ATXN10: variants seen among roughly 807,000 people sequenced by gnomAD.
The protein encoded by ATXN10 is ataxin-10.
In ATXN10, 28 loss-of-function variants were observed where a neutral mutation model predicts 52.9. The ratio of observed to expected loss-of-function variants is 0.53; its 90% CI spans 0.39 to 0.73. The LOEUF (loss-of-function observed/expected upper bound fraction) is 0.73, where lower values mean the gene tolerates loss of function less well. ATXN10 is among the 30% of genes least tolerant of loss of function. The pLI, the probability that ATXN10 is intolerant of heterozygous loss-of-function variation, is 0.00. For synonymous variants in ATXN10, 226 were observed against 221.5 expected (o/e 1.02, Z -0.18); for missense variants, 565 against 577.0 (o/e 0.98, Z 0.21).
intron 10 of ATXN10, among the ~76,000 whole-genome samples, chr22:45,827,661 G>A (rs541830579): frequency 5.3e-5 from 8 of 152,218 alleles, no homozygotes; most frequent in South Asian, 4.2e-4. Context: ...AAAACTGAAG[G>A]AAGAAATAGT....
chr22:45,786,203 G>C lies in ATXN10; in HGVS notation c.1174-20756G>C, dbSNP rs756402730. 3.9e-5 allele frequency among the ~76,000 whole-genome samples: 6 copies of C among 152,186 alleles called. No individual in the cohort carries two copies. The highest frequency in any genetic ancestry group is 7.3e-5 in the Non-Finnish European group (5 of 68,030). ...AGAGAATATTTGTATTAATCACATTGTGTTTTGTACTTCCGGGTACTTTAA... is the reference window on the plus strand; with the variant it reads ...AGAGAATATTTGTATTAATCACATTCTGTTTTGTACTTCCGGGTACTTTAA... On this transcript the variant is annotated intron_variant, in intron 9 of 11. Transcript: ENST00000252934. The surrounding 1 kb of genome is among the most constrained non-coding windows in gnomAD (Gnocchi z 4.1).
At position 45,816,905 on chromosome 22, in the gene ATXN10, C is replaced by T. The variant is rs796209745; in HGVS notation, c.1237+9883C>T. Among the ~76,000 whole-genome samples, 7 of 152,166 alleles carry T rather than the reference C, an allele frequency of 4.6e-5. No homozygotes were observed. In the South Asian group the frequency reaches 1.2e-3, roughly 27 times the overall value. On this transcript the variant is annotated intron_variant, in intron 10 of 11. Transcript: ENST00000252934. The surrounding 1 kb of genome is among the most constrained non-coding windows in gnomAD (Gnocchi z 5.8). The stretch of plus-strand genomic sequence containing the variant: ...TTCTGTACTCTTCTTGGTGGAGAAT[C>T]TAGCGTGGTATCAGGCCTGCCAAAC...
chr22:45,671,978 C>T lies in ATXN10; in HGVS notation c.-86C>T. The T allele has an allele frequency of 6.9e-7, 1 of 1,447,228 alleles. No individual in the cohort carries two copies. The highest frequency in any genetic ancestry group is 1.2e-5 in the South Asian group (1 of 81,054). 89.6% of individuals were successfully genotyped at this position (1,447,228 alleles called of 1,614,324 possible). A position where few individuals can be genotyped will look rare whatever the true frequency, so the allele number is the denominator to read the frequency against. ...GGCCTCCCCCTTCCTCCTCGCCATC[C>T]TACTCCTCCCTCCTCGTCATCCTCC... On this transcript the variant is annotated 5_prime_UTR_variant, in exon 1 of 12. Coordinates refer to ENST00000252934, the MANE Select transcript of ATXN10 (RefSeq NM_013236.4).
rs1345436216 is a variant in ATXN10 at position 45,705,129 on chromosome 22, A to G, written c.647+2282A>G. Among the ~76,000 whole-genome samples, 1 of 152,210 alleles carries G rather than the reference A, an allele frequency of 6.6e-6. No homozygotes were observed. Among genetic ancestry groups the G allele is most frequent in the Admixed American group, 6.5e-5 (1 of 15,290 alleles). On this transcript the variant is annotated intron_variant, in intron 5 of 11. Transcript: ENST00000252934. The surrounding 1 kb of genome is among the most constrained non-coding windows in gnomAD (Gnocchi z 5.2). The stretch of plus-strand genomic sequence containing the variant: ...GATAAATCCTACTTGTTCATAGTGT[A>G]TAATCCTTTTTATATGTTGCTGGAT...
At chr22:45,674,172 G>T (rs1456925709) in intron 1 of ATXN10, 2 of 152,244 alleles carry the variant, frequency 1.3e-5, no homozygotes, top group Admixed American at 6.5e-5. Context: ...AAAGAGAAAA[G>T]TGCCTAAATT....
At chr22:45,721,514 A>C (rs998394677) in intron 6 of ATXN10, among the ~76,000 whole-genome samples, 5 of 152,204 alleles carry the variant, frequency 3.3e-5, no homozygotes, top group African/African-American at 1.2e-4. Context: ...TTGGCATCAG[A>C]AAGAGTTCAA....
chr22:45,686,379 T>C (rs907414794), intron 1 of ATXN10, among the ~76,000 whole-genome samples: 1 of 152,224 alleles, frequency 6.6e-6, no homozygotes, highest in Non-Finnish European at 1.5e-5. Flanking sequence ...CTTAACAGTC[T>C]AGCCGGGGAG....
Position 45,769,111 on chromosome 22 carries a change from C to CTGTACTT in ATXN10, c.1173+28577_1173+28583dup, listed in dbSNP as rs1926686417. ...GAGTATGTATTATACCTCCCTCTCT[C>CTGTACTT]TGTACTTTGTGGTGTGTTTGGAAAT... is the stretch of plus-strand genomic sequence containing the variant. On this transcript the variant is annotated intron_variant, in intron 9 of 11. Transcript: ENST00000252934. The surrounding 1 kb of genome is among the most constrained non-coding windows in gnomAD (Gnocchi z 4.2). 6.6e-6 allele frequency among the ~76,000 whole-genome samples: 1 copy of CTGTACTT among 151,584 alleles called. No homozygotes were observed.
intron 7 of ATXN10, among the ~76,000 whole-genome samples, chr22:45,736,370 TA>T (rs1925296624): frequency 6.6e-6 from 1 of 152,180 alleles, no homozygotes; most frequent in Non-Finnish European, 1.5e-5. Flanking sequence ...AGAAAACATC[TA>T]AAATAACTAA....
intron 7 of ATXN10, among the ~76,000 whole-genome samples, chr22:45,734,986 G>A (rs566473364): frequency 6.6e-5 from 10 of 151,798 alleles, no homozygotes; most frequent in African/African-American, 1.9e-4. Flanking sequence ...CCAGGTTCAA[G>A]CGATTCTCCT....
intron 1 of ATXN10, chr22:45,679,391 T>TA (rs1352484872): frequency 6.6e-6 from 1 of 152,024 alleles, no homozygotes; most frequent in African/African-American, 2.4e-5. Flanking sequence ...TTTCAAGGGG[T>TA]AAAAAATGAC....
rs1046574713 is a variant in ATXN10, at chr22:45,780,070, A to AG, written c.1174-26887dup. On this transcript the variant is annotated intron_variant, in intron 9 of 11. Coordinates refer to ENST00000252934, the MANE Select transcript of ATXN10 (RefSeq NM_013236.4). This position sits in a 1 kb window ranked among gnomAD's most constrained non-coding sequence, Gnocchi z 4.0. ...AATAAAAACGCTTATACAAACAAAAAGGCAGACTGCATCATCTTTTTTTTT... is the reference window on the plus strand; with the variant it reads ...AATAAAAACGCTTATACAAACAAAAAGGGCAGACTGCATCATCTTTTTTTTT... Among the ~76,000 whole-genome samples the AG allele has an allele frequency of 6.8e-6, 1 of 146,674 alleles. No individual in the cohort carries two copies. The highest frequency in any genetic ancestry group is 1.5e-5 in the Non-Finnish European group (1 of 67,342).
chr22:45,804,146 C>T (rs1601656963), intron 9 of ATXN10, among the ~76,000 whole-genome samples: 1 of 152,184 alleles, frequency 6.6e-6, no homozygotes, highest in Non-Finnish European at 1.5e-5. Flanking sequence ...TTTCTCAGCT[C>T]CCTCCCTTCA....
At chr22:45,673,011 G>A (rs1398855278) in intron 1 of ATXN10, 1 of 152,236 alleles carries the variant, frequency 6.6e-6, no homozygotes, top group East Asian at 1.9e-4. Context: ...TGTCCTCTGG[G>A]CCTCAGTTTT....
At chr22:45,811,705 A>G (rs962695899) in intron 10 of ATXN10, 6 of 470,910 alleles carry the variant, frequency 1.3e-5, no homozygotes, top group Non-Finnish European at 2.6e-5. Flanking sequence ...CAGTGCCACC[A>G]TCCAGTCCAC....
At chr22:45,682,914 C>T (rs1286915785) in intron 1 of ATXN10, among the ~76,000 whole-genome samples, 1 of 152,178 alleles carries the variant, frequency 6.6e-6, no homozygotes, top group Non-Finnish European at 1.5e-5. Flanking sequence ...AAAACAGCCC[C>T]CTAACTGGTC....
chr22:45,729,512 T>C lies in ATXN10; in HGVS notation c.816T>C (p.Ala272=), dbSNP rs763991549. The C allele has an allele frequency of 2.7e-5, 44 of 1,614,018 alleles. No individual in the cohort carries two copies. The highest frequency in any genetic ancestry group is 2.2e-4 in the Admixed American group (13 of 60,002). The part of the protein sequence containing the change: ...KDDIPVFLRH[A]ELIASTFVDQ... ...ACATCCCTGTGTTTTTGCGGCATGC[T>C]GAGTTGATTGCAAGCACCTTTGTGG... is the stretch of plus-strand genomic sequence containing the variant. The change falls in exon 7 of 12, where the codon GCT becomes GCC. Residue 272 remains alanine (A), a synonymous_variant. Coordinates refer to ENST00000252934, the MANE Select transcript of ATXN10 (RefSeq NM_013236.4).
At chr22:45,697,421 C>T (rs898060712) in intron 3 of ATXN10, among the ~76,000 whole-genome samples, 2 of 152,092 alleles carry the variant, frequency 1.3e-5, no homozygotes, top group African/African-American at 4.8e-5. Flanking sequence ...AGGCGTGAGC[C>T]GCTGCGTCCG....
intron 9 of ATXN10, among the ~76,000 whole-genome samples, chr22:45,765,157 C>T (rs1413128514): frequency 6.6e-6 from 1 of 152,110 alleles, no homozygotes; most frequent in African/African-American, 2.4e-5. Context: ...GGAGATTGCC[C>T]TCTCATCGCG....
Sources: allele counts gnomAD v4.1 joint callset (sites outside exome capture counted in the v4.1 genomes callset), GRCh38; gene constraint gnomAD v4.1.1; non-coding constraint Gnocchi (gnomAD v3.1); transcripts MANE v1.5; gene names NCBI Gene and HGNC (gene_info 2026-07-23, HGNC 2026-07-21).